ABCC4: variants seen among roughly 807,000 people sequenced by gnomAD.
ABCC4 encodes ATP-binding cassette sub-family C member 4.
In ABCC4, 102 loss-of-function variants were observed where a neutral mutation model predicts 168.5. That is an observed-to-expected ratio of 0.61 (90% CI 0.52 to 0.71). The LOEUF is 0.71. Among genes scored for constraint, ABCC4 ranks in the 30% least tolerant of loss-of-function variants. ABCC4 has a pLI of 0.00. For missense variants in ABCC4, 1,402 were observed against 1,605.8 expected, an observed-to-expected ratio of 0.87 and a Z score of 2.17; for synonymous variants, 617 against 590.7, an observed-to-expected ratio of 1.04 and a Z score of -0.65.
intron 4 of ABCC4, among the ~76,000 whole-genome samples, chr13:95,220,417 T>C (rs112674308): frequency 2.6e-5 from 4 of 152,316 alleles, no homozygotes; most frequent in African/African-American, 9.6e-5. Context: ...AGGCCAGATA[T>C]TCAGTAATCC....
intron 30 of ABCC4, among the ~76,000 whole-genome samples, chr13:95,022,413 A>G (rs2031144440): frequency 6.6e-6 from 1 of 152,264 alleles, no homozygotes; most frequent in Admixed American, 6.5e-5. Context: ...ACGTATAATC[A>G]GAACATAAAG....
At chr13:95,073,534 A>G (rs2033800944) in intron 23 of ABCC4, 3 of 350,680 alleles carry the variant, frequency 8.6e-6, no homozygotes, top group Non-Finnish European at 1.5e-5. Context: ...AACAGGATCG[A>G]CATAGATTTA....
intron 29 of ABCC4, among the ~76,000 whole-genome samples, chr13:95,040,424 G>A (rs1470369841): frequency 6.6e-6 from 1 of 152,092 alleles, no homozygotes; most frequent in Non-Finnish European, 1.5e-5. Flanking sequence ...AGTAGAGACA[G>A]GGTTTCACCA....
chr13:95,298,171 C>T (rs1371153004), intron 1 of ABCC4, among the ~76,000 whole-genome samples: 2 of 152,200 alleles, frequency 1.3e-5, no homozygotes, highest in East Asian at 1.9e-4. Context: ...CGCCTATAGT[C>T]CCAGCTACTT....
At chr13:95,080,531 T>C (rs181363203) in intron 21 of ABCC4, among the ~76,000 whole-genome samples, 26 of 152,228 alleles carry the variant, frequency 1.7e-4, no homozygotes, top group African/African-American at 6.0e-4. Context: ...CCAAGTGCAA[T>C]GGCACAATCT....
rs147843905 is a variant in ABCC4, at chr13:95,143,801, G to A, written c.2455+17388C>T. On this transcript the variant is annotated intron_variant, in intron 19 of 30. Transcript: ENST00000645237. ...ATGTACTGCTAGAAGTCTAGAAAAC[G>A]TATGCCCATGATAACAGGCAAAAGT... Among the ~76,000 whole-genome samples, 320 of 152,202 alleles carry A rather than the reference G, an allele frequency of 2.1e-3. 3 individuals carry two copies. The highest frequency in any genetic ancestry group is 7.4e-3 in the African/African-American group (307 of 41,542).
chr13:95,051,455 A>C (rs2139260418), intron 27 of ABCC4, among the ~76,000 whole-genome samples: 1 of 151,604 alleles, frequency 6.6e-6, no homozygotes, highest in Middle Eastern at 3.4e-3. Context: ...TGCAGCCTCG[A>C]CCTCCAGGGC....
chr13:95,192,732 A>C (rs1024887616), intron 9 of ABCC4, among the ~76,000 whole-genome samples: 1 of 152,208 alleles, frequency 6.6e-6, no homozygotes, highest in Non-Finnish European at 1.5e-5. Context: ...AGCCTGGCCA[A>C]CATGGGAGAA....
At chr13:95,176,205 A>C in intron 13 of ABCC4, among the ~76,000 whole-genome samples, 1 of 104,696 alleles carries the variant, frequency 9.6e-6, no homozygotes, top group African/African-American at 3.7e-5. Flanking sequence ...TAATCTCAGC[A>C]CTCCAGGAAG....
chr13:95,264,750 G>C (rs1192709395), intron 1 of ABCC4, among the ~76,000 whole-genome samples: 1 of 152,058 alleles, frequency 6.6e-6, no homozygotes, highest in East Asian at 1.9e-4. Context: ...TATGGAGTTT[G>C]AAGATAAATT....
chr13:95,080,517 C>T (rs1418026580), intron 21 of ABCC4, among the ~76,000 whole-genome samples: 1 of 152,148 alleles, frequency 6.6e-6, no homozygotes, highest in African/African-American at 2.4e-5. Context: ...CCTGCCTCAG[C>T]CTGCCAAGTG....
rs1305196478 is a variant in ABCC4, at chr13:95,280,655, C to T, written c.74+20586G>A. On this transcript the variant is annotated intron_variant, in intron 1 of 30. Coordinates refer to ENST00000645237, the MANE Select transcript of ABCC4 (RefSeq NM_005845.5). Reference sequence around the variant, plus strand: ...CCTTTTCTGTGTCTGTGAGACGGCTCTCTGTGGGATTCCTTCCTGCTGCAC... The same window carrying T: ...CCTTTTCTGTGTCTGTGAGACGGCTTTCTGTGGGATTCCTTCCTGCTGCAC... Among the ~76,000 whole-genome samples the T allele has an allele frequency of 4.0e-5, 6 of 151,184 alleles. No homozygotes were observed. The Admixed American group carries it at 4.0e-4, about 10-fold the overall frequency.
At chr13:95,105,984 A>G (rs922366938) in intron 20 of ABCC4, among the ~76,000 whole-genome samples, 1 of 152,172 alleles carries the variant, frequency 6.6e-6, no homozygotes, top group Non-Finnish European at 1.5e-5. Flanking sequence ...GGCCTCGCTG[A>G]TTTTCAGTAA....
At position 95,107,588 on chromosome 13, in the gene ABCC4, G is replaced by A. The variant is rs561405722; in HGVS notation, c.2535+8334C>T. ...CTTGTTTATACAGTATTACCACAGA[G>A]CTATATATATCACAACCTGAACAAA... On this transcript the variant is annotated intron_variant, in intron 20 of 30. Coordinates refer to ENST00000645237, the MANE Select transcript of ABCC4 (RefSeq NM_005845.5). 9.2e-5 allele frequency among the ~76,000 whole-genome samples: 14 copies of A among 152,230 alleles called. No individual in the cohort carries two copies. In the South Asian group the frequency reaches 2.9e-3, roughly 32 times the overall value.
chr13:95,204,173 G>A, intron 8 of ABCC4, among the ~76,000 whole-genome samples: 1 of 152,136 alleles, frequency 6.6e-6, no homozygotes, highest in East Asian at 1.9e-4. Context: ...CGAGTCATGT[G>A]CTGGGAAACA....
chr13:95,061,020 T>C (rs1344195030), intron 26 of ABCC4, among the ~76,000 whole-genome samples: 32 of 152,224 alleles, frequency 2.1e-4, no homozygotes, highest in Non-Finnish European at 5.9e-5. Context: ...TGTGACTGGC[T>C]TATTTCACTT....
chr13:95,078,141 C>T (rs1384132566), intron 21 of ABCC4, among the ~76,000 whole-genome samples: 1 of 152,182 alleles, frequency 6.6e-6, no homozygotes, highest in Non-Finnish European at 1.5e-5. Flanking sequence ...AGATTCTCCA[C>T]CAGAATGTGA....
chr13:95,196,592 GGAAGGAAGGAA>G (rs2038431663), intron 8 of ABCC4, among the ~76,000 whole-genome samples: 2 of 1,786 alleles, frequency 1.1e-3, no homozygotes, highest in Non-Finnish European at 3.3e-3. Context: ...GAGGAAGGAA[GGAAGGAAGGAA>G]GGAAGGAAGG....
intron 3 of ABCC4, among the ~76,000 whole-genome samples, chr13:95,242,263 T>C (rs2039968262): frequency 6.6e-6 from 1 of 151,988 alleles, no homozygotes; most frequent in Non-Finnish European, 1.5e-5. Context: ...AGTCTTGCTC[T>C]GTCACCCAGG....
Sources: gnomAD v4.1 joint callset for allele counts (sites outside exome capture counted in the v4.1 genomes callset) on GRCh38, gnomAD v4.1.1 for gene constraint, MANE v1.5 for transcripts, NCBI Gene and HGNC (gene_info 2026-07-23, HGNC 2026-07-21) for gene names.